The following TEP1 variants were observed in gnomAD, a reference collection of about 807,000 sequenced individuals.
The protein encoded by TEP1 is telomerase protein component 1.
Under a neutral mutation model 306.3 loss-of-function variants are expected in TEP1, and 241 were observed. The ratio of observed to expected loss-of-function variants is 0.79; its 90% CI spans 0.71 to 0.88. TEP1 has a LOEUF of 0.88. TEP1 is among the 40% of genes least tolerant of loss of function. The pLI, the probability that TEP1 is intolerant of heterozygous loss-of-function variation, is 0.00. For synonymous variants in TEP1, 1,289 were observed against 1,305.5 expected, an observed-to-expected ratio of 0.99 and a Z score of 0.27; for missense variants, 3,051 against 3,276.1, an observed-to-expected ratio of 0.93 and a Z score of 1.68.
rs768190131 is a variant in TEP1, at chr14:20,408,430, G to GT, written c.9dup (p.Leu4ThrfsTer24). 1 of 1,612,386 alleles carries GT rather than the reference G, an allele frequency of 6.2e-7. No individual in the cohort carries two copies. The highest frequency in any genetic ancestry group is 8.5e-7 in the Non-Finnish European group (1 of 1,179,658). On this transcript the variant is annotated frameshift_variant, in exon 2 of 55. Transcript: ENST00000262715. LOFTEE classifies it high-confidence loss of function. The stretch of plus-strand genomic sequence containing the variant: ...GGATGGGCAGACACATGCCCATGGA[G>GT]TTTTTCCATGGCTGAAACTCAGCTT...
Position 20,381,184 on chromosome 14 carries a change from G to C in TEP1, c.4647+129C>G. The C allele has an allele frequency of 8.2e-7, 1 of 1,222,952 alleles. No individual in the cohort carries two copies. The highest frequency in any genetic ancestry group is 2.3e-5 in the East Asian group (1 of 42,898). 75.8% of individuals were successfully genotyped at this position (1,222,952 alleles called of 1,614,324 possible). ...AGAAGAAGGGCAGGAAAACTGAAAG[G>C]AAAGAGGTCAAGGGAGTTTGGGAGG... On this transcript the variant is annotated intron_variant, in intron 32 of 54. Transcript: ENST00000262715. This position sits in a 1 kb window ranked among gnomAD's most constrained non-coding sequence, Gnocchi z 4.0.
In TEP1 at chr14:20,378,506, G is replaced by A; in HGVS notation, c.5382C>T (p.Ala1794=). The A allele has an allele frequency of 6.2e-7, 1 of 1,614,228 alleles. No individual in the cohort carries two copies. The highest frequency in any genetic ancestry group is 8.5e-7 in the Non-Finnish European group (1 of 1,180,036). The change falls in exon 38 of 55, where the codon GCC becomes GCT. Residue 1794 remains alanine, a synonymous_variant. Transcript: ENST00000262715. Reference sequence around the variant, plus strand: ...GGGACTTGGGGTAGGTGTGCTGGAAGGCCAGCTGCCCACGGACTGTGTCCC... The same window carrying A: ...GGGACTTGGGGTAGGTGTGCTGGAAAGCCAGCTGCCCACGGACTGTGTCCC... ...KLWDTVRGQL[A]FQHTYPKSLN...
intron 35 of TEP1, 66 bp from the exon 36 acceptor site, chr14:20,379,171 A>G: frequency 1.3e-6 from 2 of 1,572,444 alleles, no homozygotes; most frequent in South Asian, 2.4e-5. Context: ...CCACCACTCC[A>G]GGCCCCACCC....
In TEP1 at chr14:20,378,242, C is replaced by A; in HGVS notation, c.5509-6G>T. 1 of 1,613,650 alleles carries A rather than the reference C, an allele frequency of 6.2e-7. No homozygotes were observed. Among genetic ancestry groups the A allele is most frequent in the Non-Finnish European group, 8.5e-7 (1 of 1,179,994 alleles). On this transcript the variant is annotated splice_region_variant and splice_polypyrimidine_tract_variant and intron_variant, in intron 38 of 54. Coordinates refer to ENST00000262715, the MANE Select transcript of TEP1 (RefSeq NM_007110.5). ...GCTCCGGGTGCCCCCAGGTCCTACA[C>A]AGGGAGGTAGAAATGGAAACGTGAA...
intron 1 of TEP1, among the ~76,000 whole-genome samples, chr14:20,408,880 C>A (rs1879414239): frequency 6.6e-6 from 1 of 151,634 alleles, no homozygotes; most frequent in South Asian, 2.1e-4. Context: ...AGGGACATGC[C>A]TTCTCATAAG....
intron 17 of TEP1, among the ~76,000 whole-genome samples, chr14:20,388,908 G>T (rs1488883722): frequency 1.3e-5 from 2 of 152,180 alleles, no homozygotes; most frequent in African/African-American, 4.8e-5. Context: ...CCAGCACTTT[G>T]GGAGGCTGAG....
intron 51 of TEP1, 152 bp downstream of exon 51, chr14:20,371,066 G>T (rs1884801878): frequency 3.1e-6 from 2 of 650,938 alleles, no homozygotes; most frequent in Non-Finnish European, 5.4e-6. Flanking sequence ...AATACACAAT[G>T]TCCTAAATTA....
At position 20,375,924 on chromosome 14, in the gene TEP1, C is replaced by T. The variant is rs61351655; in HGVS notation, c.6250-56G>A. 3,502 of 1,522,712 alleles carry T rather than the reference C, an allele frequency of 2.3e-3. 64 individuals are homozygous for T. The African/African-American group carries it at 0.042, about 18-fold the overall frequency. 94.3% of individuals were successfully genotyped at this position (1,522,712 alleles called of 1,614,324 possible). A position where few individuals can be genotyped will look rare whatever the true frequency, so the allele number is the denominator to read the frequency against. ...AGGACCAAAGGAAGGATGGGAACCCCGGAGCCATTTCAGGCAAGAAATTTC... is the reference window on the plus strand; with the variant it reads ...AGGACCAAAGGAAGGATGGGAACCCTGGAGCCATTTCAGGCAAGAAATTTC... On this transcript the variant is annotated intron_variant, in intron 42 of 54. Coordinates refer to ENST00000262715, the MANE Select transcript of TEP1 (RefSeq NM_007110.5).
At chr14:20,370,781 A>G (rs927810487) in intron 51 of TEP1, among the ~76,000 whole-genome samples, 14 of 152,204 alleles carry the variant, frequency 9.2e-5, no homozygotes, top group Non-Finnish European at 1.6e-4. Flanking sequence ...AACCTTCCCA[A>G]TAACAAGCGG....
rs1416716876 is a variant in TEP1 at position 20,395,442 on chromosome 14, A to T, written c.1928+8T>A. On this transcript the variant is annotated splice_region_variant and intron_variant, in intron 12 of 54. Coordinates refer to ENST00000262715, the MANE Select transcript of TEP1 (RefSeq NM_007110.5). The stretch of plus-strand genomic sequence containing the variant: ...CCCACCCTTGGCTCCCAGACAGTGC[A>T]TACATACCTGGCCTTGTGTACTCTC... 2 of 1,583,740 alleles carry T rather than the reference A, an allele frequency of 1.3e-6. No individual in the cohort carries two copies. The highest frequency in any genetic ancestry group is 4.5e-5 in the East Asian group (2 of 44,172).
intron 5 of TEP1, among the ~76,000 whole-genome samples, chr14:20,404,224 G>T (rs544401934): frequency 1.1e-4 from 17 of 152,066 alleles, no homozygotes; most frequent in African/African-American, 4.1e-4. Context: ...GCGTGGTGGC[G>T]CACGCCTGTA....
At chr14:20,407,625 G>A (rs1879282055) in intron 2 of TEP1, among the ~76,000 whole-genome samples, 1 of 152,236 alleles carries the variant, frequency 6.6e-6, no homozygotes, top group Admixed American at 6.5e-5. Context: ...ACAGGCATGA[G>A]CCACCGCACC....
At position 20,371,322 on chromosome 14, in the gene TEP1, G is replaced by A; in HGVS notation, c.7221-8C>T. The A allele has an allele frequency of 6.2e-7, 1 of 1,612,892 alleles. No individual in the cohort carries two copies. The highest frequency in any genetic ancestry group is 8.5e-7 in the Non-Finnish European group (1 of 1,178,884). On this transcript the variant is annotated splice_region_variant and splice_polypyrimidine_tract_variant and intron_variant, in intron 50 of 54. Transcript: ENST00000262715. ...TTTTCTGTATAGCTGCTCCTGGTTT[G>A]TGAGAAAGGAATAGGTTGAGCTCAG... is the stretch of plus-strand genomic sequence containing the variant.
intron 28 of TEP1, 32 bp downstream of exon 28, chr14:20,382,591 T>C (rs769935556): frequency 4.2e-5 from 68 of 1,609,632 alleles, no homozygotes; most frequent in Non-Finnish European, 5.7e-5. Flanking sequence ...TGGGAAGTAG[T>C]GATTAGGACT....
chr14:20,387,982 TG>T lies in TEP1; in HGVS notation c.2606del (p.Pro869GlnfsTer50). 1 of 1,614,086 alleles carries T rather than the reference TG, an allele frequency of 6.2e-7. No individual in the cohort carries two copies. Among genetic ancestry groups the T allele is most frequent in the Non-Finnish European group, 8.5e-7 (1 of 1,179,988 alleles). ...GGAGAGACTGGACCCCTGTCTTTCCTGGGGGTGGTGGAATCTTGAATATTTT... is the reference window on the plus strand; with the variant it reads ...GGAGAGACTGGACCCCTGTCTTTCCTGGGGTGGTGGAATCTTGAATATTTT... ...MDKIFKIPPP[P>X]GKTGVQSLRP... On this transcript the variant is annotated frameshift_variant, in exon 18 of 55. Coordinates refer to ENST00000262715, the MANE Select transcript of TEP1 (RefSeq NM_007110.5). LOFTEE classifies it high-confidence loss of function.
rs954621919 is a variant in TEP1, at chr14:20,378,304, G to C, written c.5509-68C>G. The stretch of plus-strand genomic sequence containing the variant: ...AGCAAAATCTTAAGTGACCCAGAAT[G>C]CTGCTGTCTGTCGTCTGCCACCCTC... On this transcript the variant is annotated intron_variant, in intron 38 of 54. Transcript: ENST00000262715. 48 of 1,611,352 alleles carry C rather than the reference G, an allele frequency of 3.0e-5. No individual in the cohort carries two copies. In the Admixed American group the frequency reaches 5.5e-4, roughly 18 times the overall value.
chr14:20,377,832 C>G, intron 39 of TEP1, 79 bp from the exon 40 acceptor site: 6 of 1,561,780 alleles, frequency 3.8e-6, no homozygotes, highest in Non-Finnish European at 5.2e-6. Flanking sequence ...CAGCCACCCC[C>G]ATTAAAGTCC....
rs1733999582 is a variant in TEP1 at position 20,379,987 on chromosome 14, T to G, written c.5070A>C (p.Arg1690Ser). The G allele has an allele frequency of 6.2e-7, 1 of 1,614,030 alleles. No homozygotes were observed. Among genetic ancestry groups the G allele is most frequent in the African/African-American group, 1.3e-5 (1 of 74,906 alleles). ...TAVAFSTNGQRAAVGTANGTV... is the reference protein window; with the variant it reads ...TAVAFSTNGQSAAVGTANGTV... ...TCCCATTGGCAGTGCCCACAGCTGC[T>G]CTTTGCCCATTGGTGGAGAAGGCCA... Residue 1690 changes from arginine to serine, a missense_variant, in exon 35 of 55, where the codon AGA becomes AGC. Around this residue, in one of 3 missense-constraint regions of TEP1, gnomAD observed 1,540 missense variants for 1,705.9 expected, o/e 0.90. Coordinates refer to ENST00000262715, the MANE Select transcript of TEP1 (RefSeq NM_007110.5).
At position 20,395,610 on chromosome 14, in the gene TEP1, T is replaced by C; in HGVS notation, c.1768A>G (p.Asn590Asp). 1.2e-6 allele frequency: 2 copies of C among 1,602,000 alleles called. No individual in the cohort carries two copies. Among genetic ancestry groups the C allele is most frequent in the South Asian group, 2.2e-5 (2 of 90,782 alleles). Reference sequence around the variant, plus strand: ...AGTATCCGCCTCATCAGTGTTATATTCGAAGGAAAGGGCAATGCTGTATGA... The same window carrying C: ...AGTATCCGCCTCATCAGTGTTATATCCGAAGGAAAGGGCAATGCTGTATGA... ...LRNQALPFPSNITLMRRILTR... is the reference protein window; with the variant it reads ...LRNQALPFPSDITLMRRILTR... The change falls in exon 12 of 55, where the codon AAT (asparagine) becomes GAT (aspartate). Residue 590 changes from asparagine (N) to aspartate (D), a missense_variant. By Grantham distance (23) the Asn-to-Asp change is conservative. Around this residue, in one of 3 missense-constraint regions of TEP1, gnomAD observed 1,507 missense variants for 1,550.5 expected, o/e 0.97. Transcript: ENST00000262715.
Sources: allele counts gnomAD v4.1 joint callset (sites outside exome capture counted in the v4.1 genomes callset), GRCh38; gene constraint gnomAD v4.1.1; regional missense constraint gnomAD v4.1.1; non-coding constraint Gnocchi (gnomAD v3.1); transcripts MANE v1.5; gene names NCBI Gene and HGNC (gene_info 2026-07-23, HGNC 2026-07-21).